Variants in SPON1 observed in about 807,000 individuals in gnomAD.
The protein encoded by SPON1 is spondin-1.
SPON1 carries 52 observed loss-of-function variants against 111.7 expected under a neutral mutation model. The ratio of observed to expected loss-of-function variants is 0.47; its 90% CI spans 0.37 to 0.59. SPON1 has a LOEUF of 0.59. SPON1 is among the 20% of genes least tolerant of loss of function. The probability of loss-of-function intolerance (pLI) is 0.00; values close to 1 mark genes in which losing one functional copy is unlikely to be tolerated. For missense variants in SPON1, 957 were observed against 1,068.5 expected (o/e 0.90, Z 1.46); for synonymous variants, 410 against 395.8 (o/e 1.04, Z -0.43).
intron 5 of SPON1, among the ~76,000 whole-genome samples, chr11:14,087,423 A>G (rs944450533): frequency 6.6e-6 from 1 of 152,194 alleles, no homozygotes; most frequent in African/African-American, 2.4e-5. Context: ...ATCCAGGAGC[A>G]GGTTGTTCAA....
At chr11:14,107,090 T>C (rs1047256294) in intron 5 of SPON1, among the ~76,000 whole-genome samples, 1 of 152,232 alleles carries the variant, frequency 6.6e-6, no homozygotes, top group Middle Eastern at 3.4e-3. Flanking sequence ...CCTCCCAGGG[T>C]CTTGCAGCTC....
chr11:14,161,535 T>C (rs536443926), intron 6 of SPON1, among the ~76,000 whole-genome samples: 1 of 151,232 alleles, frequency 6.6e-6, no homozygotes, highest in Non-Finnish European at 1.5e-5. Context: ...TCCAGGCTGG[T>C]CTCAAACTCC....
At chr11:14,200,697 C>G (rs1786229549) in intron 6 of SPON1, among the ~76,000 whole-genome samples, 2 of 151,880 alleles carry the variant, frequency 1.3e-5, no homozygotes, top group Admixed American at 1.3e-4. Context: ...TGCCTGTAAT[C>G]CCAGCTACTC....
intron 6 of SPON1, among the ~76,000 whole-genome samples, chr11:14,194,260 T>C (rs959656136): frequency 3.3e-5 from 5 of 152,218 alleles, no homozygotes; most frequent in African/African-American, 1.2e-4. Context: ...ACAAAAGCTC[T>C]AGATTCCTCT....
intron 5 of SPON1, among the ~76,000 whole-genome samples, chr11:14,122,516 C>A (rs1847402869): frequency 2.0e-5 from 3 of 152,228 alleles, no homozygotes; most frequent in Admixed American, 2.0e-4. Context: ...CTATTCTCTC[C>A]TTCTGGAACT....
At chr11:13,986,925 GGT>G (rs1848190065) in intron 2 of SPON1, among the ~76,000 whole-genome samples, 1 of 152,070 alleles carries the variant, frequency 6.6e-6, no homozygotes, top group Non-Finnish European at 1.5e-5. Context: ...AGTATTCCAT[GGT>G]GTATATGTGC....
chr11:14,197,115 G>A lies in SPON1; in HGVS notation c.826-46217G>A, dbSNP rs79765765. 4.4e-3 allele frequency among the ~76,000 whole-genome samples: 668 copies of A among 152,210 alleles called. 28 individuals carry two copies. In the East Asian group the frequency reaches 0.11, roughly 25 times the overall value. On this transcript the variant is annotated intron_variant, in intron 6 of 15. Transcript: ENST00000576479. ...TTTCCTGAGAATCTAGCTCAGGGCT[G>A]GTCACAAAGTAGGCACTTGATAGAT...
intron 6 of SPON1, among the ~76,000 whole-genome samples, chr11:14,168,826 T>C (rs111772230): frequency 9.2e-5 from 14 of 152,218 alleles, no homozygotes; most frequent in African/African-American, 3.1e-4. Context: ...ACGAAGGACA[T>C]GAACTCATCC....
chr11:14,212,573 C>G (rs1310051120), intron 6 of SPON1, among the ~76,000 whole-genome samples: 1 of 152,152 alleles, frequency 6.6e-6, no homozygotes, highest in South Asian at 2.1e-4. Context: ...AGTAACTTGA[C>G]TTCTATCATC....
chr11:14,116,218 G>A (rs1554925976), intron 5 of SPON1, among the ~76,000 whole-genome samples: 1 of 151,896 alleles, frequency 6.6e-6, no homozygotes, highest in Non-Finnish European at 1.5e-5. Context: ...TAATCTTTTG[G>A]TAAATAGAGG....
chr11:14,258,579 T>C (rs1237207901), intron 11 of SPON1, among the ~76,000 whole-genome samples: 7 of 152,182 alleles, frequency 4.6e-5, no homozygotes, highest in Non-Finnish European at 8.8e-5. Context: ...GAAGGCACTG[T>C]ATAGGCTGGA....
At chr11:14,163,037 C>T (rs1405040274) in intron 6 of SPON1, among the ~76,000 whole-genome samples, 1 of 152,184 alleles carries the variant, frequency 6.6e-6, no homozygotes, top group East Asian at 1.9e-4. Context: ...CCTTCCTTGT[C>T]ACCACTCATC....
intron 6 of SPON1, among the ~76,000 whole-genome samples, chr11:14,169,301 T>C (rs1200500648): frequency 1.1e-4 from 17 of 152,242 alleles, no homozygotes; most frequent in Non-Finnish European, 1.5e-4. Context: ...AAATGTCTTC[T>C]TTTGAGAAGT....
chr11:14,229,442 G>A (rs569937795), intron 6 of SPON1, among the ~76,000 whole-genome samples: 12 of 152,282 alleles, frequency 7.9e-5, no homozygotes, highest in African/African-American at 2.9e-4. Context: ...AGGAGATTTG[G>A]TCAAAAGGTG....
intron 2 of SPON1, among the ~76,000 whole-genome samples, chr11:13,995,641 G>C (rs1234845001): frequency 6.6e-6 from 1 of 152,136 alleles, no homozygotes; most frequent in South Asian, 2.1e-4. Flanking sequence ...GATTTGGGTA[G>C]GGACACAGAG....
intron 6 of SPON1, among the ~76,000 whole-genome samples, chr11:14,149,590 A>C (rs1847764511): frequency 6.6e-6 from 1 of 152,170 alleles, no homozygotes; most frequent in South Asian, 2.1e-4. Flanking sequence ...TTCACTCACC[A>C]CTCACTGACT....
chr11:14,188,283 T>C (rs182380516), intron 6 of SPON1, among the ~76,000 whole-genome samples: 54 of 152,232 alleles, frequency 3.5e-4, no homozygotes, highest in Middle Eastern at 3.4e-3. Context: ...TTAAGATGGT[T>C]ATAAACATGA....
intron 6 of SPON1, among the ~76,000 whole-genome samples, chr11:14,143,561 CAA>C (rs11343993): frequency 3.4e-4 from 47 of 137,832 alleles, no homozygotes; most frequent in East Asian, 4.1e-4. Flanking sequence ...ACCCTGTTTC[CAA>C]AAAAAAAAAA....
At chr11:14,073,485 G>A (rs953398620) in intron 3 of SPON1, among the ~76,000 whole-genome samples, 1 of 152,114 alleles carries the variant, frequency 6.6e-6, no homozygotes, top group African/African-American at 2.4e-5. Context: ...GTCCTCCCAT[G>A]AGCCCATGTC....
Sources: gnomAD v4.1 joint callset for allele counts (sites outside exome capture counted in the v4.1 genomes callset) on GRCh38, gnomAD v4.1.1 for gene constraint, MANE v1.5 for transcripts, NCBI Gene and HGNC (gene_info 2026-07-23, HGNC 2026-07-21) for gene names.